The following FMN1 variants were observed in gnomAD, a reference collection of about 807,000 sequenced individuals.
The protein encoded by FMN1 is formin 1.
Under a neutral mutation model 132.4 loss-of-function variants are expected in FMN1, and 110 were observed. That is an observed-to-expected ratio of 0.83 (90% confidence interval 0.71 to 0.97). FMN1 has a LOEUF of 0.97. FMN1 is among the 50% of genes least tolerant of loss of function. The pLI, the probability that FMN1 is intolerant of heterozygous loss-of-function variation, is 0.00. For missense variants in FMN1, 1,792 were observed against 1,705.3 expected (o/e 1.05, Z -0.90); for synonymous variants, 722 against 651.7 (o/e 1.11, Z -1.64).
chr15:33,185,366 A>G (rs1416775270), intron 2 of FMN1, among the ~76,000 whole-genome samples: 1 of 151,958 alleles, frequency 6.6e-6, no homozygotes, highest in East Asian at 1.9e-4. Context: ...TTCCTGTAGA[A>G]ATTCAGTATT....
intron 7 of FMN1, among the ~76,000 whole-genome samples, chr15:32,988,382 A>G (rs2033217006): frequency 6.6e-6 from 1 of 152,182 alleles, no homozygotes; most frequent in Admixed American, 6.5e-5. Context: ...ACTTTCCTCC[A>G]ACTGATTTAT....
chr15:33,110,828 T>C (rs924958313), intron 4 of FMN1, among the ~76,000 whole-genome samples: 1 of 152,126 alleles, frequency 6.6e-6, no homozygotes, highest in East Asian at 1.9e-4. Flanking sequence ...GTCAGTATTT[T>C]TAGTCCATTA....
At chr15:32,964,371 A>T (rs2030976491) in intron 8 of FMN1, 114 bp from the exon 9 acceptor site, 8 of 748,798 alleles carry the variant, frequency 1.1e-5, no homozygotes, top group Non-Finnish European at 1.7e-5. Context: ...AAAACACATA[A>T]AACTCTAATA....
intron 6 of FMN1, among the ~76,000 whole-genome samples, chr15:33,022,452 A>G (rs1463275386): frequency 1.3e-5 from 2 of 152,204 alleles, no homozygotes; most frequent in Non-Finnish European, 2.9e-5. Flanking sequence ...GCTGAGAAAT[A>G]TCAGAACAAA....
At position 32,796,537 on chromosome 15, in the gene FMN1, G is replaced by A. The variant is rs773730757; in HGVS notation, c.4130+2267C>T. Among the ~76,000 whole-genome samples, 19 of 152,056 alleles carry A rather than the reference G, an allele frequency of 1.2e-4. No individual in the cohort carries two copies. The South Asian group carries it at 2.5e-3, about 20-fold the overall frequency. ...TTGTTGGGATATATTCGGTTTCTGG[G>A]GAAAGTATAATTGAAACTATAATAT... is the stretch of plus-strand genomic sequence containing the variant. On this transcript the variant is annotated intron_variant, in intron 19 of 20. Coordinates refer to ENST00000616417, the MANE Select transcript of FMN1 (RefSeq NM_001277313.2).
chr15:33,156,711 G>A (rs1964687307), intron 3 of FMN1, among the ~76,000 whole-genome samples: 1 of 152,102 alleles, frequency 6.6e-6, no homozygotes, highest in Non-Finnish European at 1.5e-5. Context: ...CACTTAGGAG[G>A]TAGTCTCTTA....
Position 33,104,301 on chromosome 15 carries a change from C to G in FMN1, c.1868-15327G>C, listed in dbSNP as rs186889637. On this transcript the variant is annotated intron_variant, in intron 4 of 20. Coordinates refer to ENST00000616417, the MANE Select transcript of FMN1 (RefSeq NM_001277313.2). ...AAGTATTTCAGGAGTCATGTTTTTA[C>G]TTTGGGCTTAAATTTTACTTATAAA... 1.2e-4 allele frequency among the ~76,000 whole-genome samples: 19 copies of G among 152,218 alleles called. No individual in the cohort carries two copies. The East Asian group carries it at 3.5e-3, about 28-fold the overall frequency.
At chr15:33,072,423 G>C (rs2141282675) in intron 5 of FMN1, among the ~76,000 whole-genome samples, 1 of 152,240 alleles carries the variant, frequency 6.6e-6, no homozygotes, top group South Asian at 2.1e-4. Context: ...CTAAGTCAAA[G>C]GATACATGAG....
At chr15:33,116,013 G>A (rs1013126063) in intron 4 of FMN1, among the ~76,000 whole-genome samples, 6 of 152,136 alleles carry the variant, frequency 3.9e-5, no homozygotes, top group Non-Finnish European at 7.3e-5. Flanking sequence ...AATTTTCTTA[G>A]GGTGAATGGG....
chr15:33,038,603 T>G (rs138728547), intron 6 of FMN1, among the ~76,000 whole-genome samples: 1 of 152,344 alleles, frequency 6.6e-6, no homozygotes, highest in East Asian at 1.9e-4. Context: ...ATCTAACCTA[T>G]GAAAACAACA....
In FMN1 at chr15:33,122,639, C is replaced by G. The variant is rs537288642; in HGVS notation, c.1867+30409G>C. On this transcript the variant is annotated intron_variant, in intron 4 of 20. Coordinates refer to ENST00000616417, the MANE Select transcript of FMN1 (RefSeq NM_001277313.2). ...ATCTAATGGCCACTAGTGACAGGTA[C>G]AATGTGAGAGAGAAAACTTGGAGTT... Among the ~76,000 whole-genome samples, 29 of 152,250 alleles carry G rather than the reference C, an allele frequency of 1.9e-4. No individual in the cohort carries two copies. In the East Asian group the frequency reaches 5.6e-3, roughly 29 times the overall value.
intron 4 of FMN1, among the ~76,000 whole-genome samples, chr15:33,099,787 A>AGTG (rs2039225019): frequency 6.6e-6 from 1 of 152,184 alleles, no homozygotes; most frequent in African/African-American, 2.4e-5. Flanking sequence ...TTTCTCACTA[A>AGTG]ACAAAAAGGA....
At chr15:33,088,566 T>A (rs1356601323) in intron 5 of FMN1, among the ~76,000 whole-genome samples, 3 of 152,164 alleles carry the variant, frequency 2.0e-5, no homozygotes, top group Admixed American at 1.3e-4. Context: ...CTGAGAACAC[T>A]CAGGTTAAAT....
At chr15:33,096,022 A>T (rs1348380858) in intron 4 of FMN1, among the ~76,000 whole-genome samples, 1 of 151,980 alleles carries the variant, frequency 6.6e-6, no homozygotes, top group Non-Finnish European at 1.5e-5. Context: ...AAGAAGGCAC[A>T]TTTACTATTA....
At chr15:32,914,946 G>A (rs905219229) in intron 10 of FMN1, among the ~76,000 whole-genome samples, 3 of 152,208 alleles carry the variant, frequency 2.0e-5, no homozygotes, top group African/African-American at 7.2e-5. Flanking sequence ...ATAAACAGAT[G>A]AACTTAGGGC....
At position 33,009,474 on chromosome 15, in the gene FMN1, A is replaced by G. The variant is rs76935620; in HGVS notation, c.2162-1399T>C. The stretch of plus-strand genomic sequence containing the variant: ...ATATCTCTCCCTATCATTTCATACC[A>G]CTCCTTCCCCTTGTTCATCATACTC... On this transcript the variant is annotated intron_variant, in intron 6 of 20. Coordinates refer to ENST00000616417, the MANE Select transcript of FMN1 (RefSeq NM_001277313.2). Among the ~76,000 whole-genome samples, 500 of 150,588 alleles carry G rather than the reference A, an allele frequency of 3.3e-3. 3 individuals are homozygous for G. The highest frequency in any genetic ancestry group is 0.012 in the African/African-American group (482 of 40,908).
chr15:32,823,364 C>T (rs766176233), intron 17 of FMN1, among the ~76,000 whole-genome samples: 6 of 151,438 alleles, frequency 4.0e-5, no homozygotes, highest in Non-Finnish European at 8.8e-5. Flanking sequence ...CAGGGTTTCA[C>T]GGTGTTAGCC....
At chr15:33,139,138 C>T (rs11629551) in intron 4 of FMN1, among the ~76,000 whole-genome samples, 67,541 of 152,014 alleles carry the variant, frequency 0.44, 16,280 homozygotes, top group South Asian at 0.55. Context: ...GAGAACTTCA[C>T]CTCTTAATCC....
chr15:32,996,325 A>G (rs2033767171), intron 7 of FMN1, among the ~76,000 whole-genome samples: 1 of 152,248 alleles, frequency 6.6e-6, no homozygotes, highest in Non-Finnish European at 1.5e-5. Context: ...CTATCCCACT[A>G]TCCTACCTAG....
Sources: allele counts gnomAD v4.1 joint callset (sites outside exome capture counted in the v4.1 genomes callset), GRCh38; gene constraint gnomAD v4.1.1; transcripts MANE v1.5; gene names NCBI Gene and HGNC (gene_info 2026-07-23, HGNC 2026-07-21).